The following TCN2 variants were observed in gnomAD, a reference collection of about 807,000 sequenced individuals.
TCN2 encodes the protein transcobalamin 2, also known as transcobalamin-2.
Under a neutral mutation model 48.6 loss-of-function variants are expected in TCN2, and 34 were observed. That is an observed-to-expected ratio of 0.70 (90% CI 0.53 to 0.93). TCN2 has a LOEUF of 0.93. Ranked by LOEUF, TCN2 falls within the 40% of genes least tolerant of loss-of-function variation. The pLI is 0.00. For synonymous variants in TCN2, 283 were observed against 212.5 expected (o/e 1.33, Z -2.89); for missense variants, 652 against 526.1 (o/e 1.24, Z -2.34).
At chr22:30,622,818 A>G in intron 7 of TCN2, 150 bp from the exon 8 acceptor site, 2 of 778,716 alleles carry the variant, frequency 2.6e-6, no homozygotes, top group South Asian at 1.5e-5. Flanking sequence ...AGTTGAGATC[A>G]CAGACCTGTG....
intron 1 of TCN2, chr22:30,610,421 G>A (rs934490340): frequency 1.0e-5 from 4 of 398,220 alleles, no homozygotes; most frequent in Admixed American, 3.0e-5. Context: ...GGGCTTTGCA[G>A]TTAGGTCCAT....
In TCN2 at chr22:30,617,203, T is replaced by C. The variant is rs990806345; in HGVS notation, c.941-127T>C. On this transcript the variant is annotated intron_variant, in intron 6 of 8. Transcript: ENST00000215838. ...CAGGTTTCAGCTGAGCAGGTGGCGG[T>C]GGCATTGATGGAGATGAGGACATGG... The C allele has an allele frequency of 7.8e-6, 10 of 1,279,614 alleles. No individual in the cohort carries two copies. The African/African-American group carries it at 1.5e-4, about 19-fold the overall frequency. 79.3% of individuals were successfully genotyped at this position (1,279,614 alleles called of 1,614,324 possible).
intron 4 of TCN2, 49 bp downstream of exon 4, chr22:30,614,550 C>G (rs924289816): frequency 6.2e-7 from 1 of 1,611,804 alleles, no homozygotes; most frequent in South Asian, 1.1e-5. Flanking sequence ...CCCTCAGTCC[C>G]CAGGTCTGCA....
At chr22:30,621,567 C>T (rs1156368359) in intron 7 of TCN2, among the ~76,000 whole-genome samples, 1 of 152,200 alleles carries the variant, frequency 6.6e-6, no homozygotes, top group Non-Finnish European at 1.5e-5. Flanking sequence ...ACTGCAACCT[C>T]CGCCTACTAG....
intron 1 of TCN2, among the ~76,000 whole-genome samples, chr22:30,609,584 T>G: frequency 1.1e-5 from 1 of 92,572 alleles, no homozygotes; most frequent in African/African-American, 4.7e-5. Flanking sequence ...GAAAGAGAGG[T>G]GAGGAGGGGG....
chr22:30,615,130 C>T (rs2087593171), intron 4 of TCN2, among the ~76,000 whole-genome samples, 171 bp from the exon 5 acceptor site: 1 of 152,140 alleles, frequency 6.6e-6, no homozygotes, highest in African/African-American at 2.4e-5. Flanking sequence ...CAAGGAAAGT[C>T]TTGGGCAGAC....
chr22:30,626,418 T>C (rs747953082), intron 8 of TCN2, 42 bp from the exon 9 acceptor site: 19 of 1,609,218 alleles, frequency 1.2e-5, no homozygotes, highest in Non-Finnish European at 1.6e-5. Context: ...GGGTGCGATA[T>C]TCTGCCCAAT....
intron 6 of TCN2, 110 bp downstream of exon 6, chr22:30,615,897 T>C: frequency 7.4e-7 from 1 of 1,354,288 alleles, no homozygotes; most frequent in Non-Finnish European, 1.0e-6. Flanking sequence ...AGCACAAGAT[T>C]GTGGGTGTGC....
In TCN2 at chr22:30,626,472, A is replaced by C. The variant is rs745363222; in HGVS notation, c.1235A>C (p.Tyr412Ser). 8 of 1,614,104 alleles carry C rather than the reference A, an allele frequency of 5.0e-6. No homozygotes were observed. Among genetic ancestry groups the C allele is most frequent in the Non-Finnish European group, 6.8e-6 (8 of 1,180,012 alleles). Reference protein sequence around the residue: ...NTPLLQGIADYRPKDGETIEL... With the variant: ...NTPLLQGIADSRPKDGETIEL... The stretch of plus-strand genomic sequence containing the variant: ...TCTGTTTCTGCAGGTATTGCTGACT[A>C]CAGACCCAAGGATGGAGAAACCATT... The change falls in exon 9 of 9, where the codon TAC becomes TCC. Residue 412 changes from tyrosine to serine, a missense_variant. Coordinates refer to ENST00000215838, the MANE Select transcript of TCN2 (RefSeq NM_000355.4).
chr22:30,615,918 G>A (rs1421927310), intron 6 of TCN2, 131 bp downstream of exon 6: 1 of 1,126,840 alleles, frequency 8.9e-7, no homozygotes, highest in Non-Finnish European at 1.3e-6. Flanking sequence ...ATGGGACACA[G>A]CAGCCAAAAT....
At chr22:30,625,698 A>G (rs554532199) in intron 8 of TCN2, among the ~76,000 whole-genome samples, 2 of 152,108 alleles carry the variant, frequency 1.3e-5, no homozygotes, top group Non-Finnish European at 2.9e-5. Context: ...TTCTGAACTC[A>G]AGTGATCTGC....
intron 8 of TCN2, among the ~76,000 whole-genome samples, chr22:30,625,174 C>A (rs568553943): frequency 6.6e-6 from 1 of 152,176 alleles, no homozygotes; most frequent in Admixed American, 6.5e-5. Context: ...GCTGAGATCA[C>A]GCCATTGCAT....
At chr22:30,613,273 GTTT>G (rs1226631634) in intron 3 of TCN2, among the ~76,000 whole-genome samples, 1 of 151,930 alleles carries the variant, frequency 6.6e-6, no homozygotes, top group Non-Finnish European at 1.5e-5. Context: ...GTGGTTTTTT[GTTT>G]TTTGTTTGTT....
intron 3 of TCN2, among the ~76,000 whole-genome samples, chr22:30,613,504 C>T (rs915284301): frequency 4.6e-5 from 7 of 152,184 alleles, no homozygotes; most frequent in African/African-American, 1.7e-4. Flanking sequence ...GTCTCGAACT[C>T]CTGACCTCAG....
chr22:30,623,915 CACAT>C lies in TCN2; in HGVS notation c.1222+834_1222+837del, dbSNP rs1410679484. Among the ~76,000 whole-genome samples the C allele has an allele frequency of 1.1e-4, 11 of 97,190 alleles. 3 individuals carry two copies. The highest frequency in any genetic ancestry group is 2.7e-4 in the South Asian group (1 of 3,718). 63.8% of individuals were successfully genotyped at this position (97,190 alleles called of 152,430 possible). ...ATATATATGTATACATATATATACA[CACAT>C]ATATATGTATACATATATACACACA... is the stretch of plus-strand genomic sequence containing the variant. On this transcript the variant is annotated intron_variant, in intron 8 of 8. Coordinates refer to ENST00000215838, the MANE Select transcript of TCN2 (RefSeq NM_000355.4).
chr22:30,615,520 G>T (rs1419266711), intron 5 of TCN2, 47 bp downstream of exon 5: 1 of 1,570,474 alleles, frequency 6.4e-7, no homozygotes, highest in Non-Finnish European at 8.7e-7. Context: ...GAACAGTCAG[G>T]GGTGGAGTGG....
rs375247830 is a variant in TCN2, at chr22:30,611,076, T to C, written c.257+13T>C. 1.9e-6 allele frequency: 3 copies of C among 1,613,704 alleles called. No individual in the cohort carries two copies. Among genetic ancestry groups the C allele is most frequent in the South Asian group, 1.1e-5 (1 of 91,066 alleles). On this transcript the variant is annotated intron_variant, in intron 2 of 8. Transcript: ENST00000215838. ...AGTGCCTCCTAGGGTATTGCCACACTCTCTTTTTCCATGTCTTGCTCCACA... is the reference window on the plus strand; with the variant it reads ...AGTGCCTCCTAGGGTATTGCCACACCCTCTTTTTCCATGTCTTGCTCCACA...
rs1434428309 is a variant in TCN2 at position 30,627,057 on chromosome 22, C to G, written c.*536C>G. The G allele has an allele frequency of 3.8e-5, 7 of 182,692 alleles. No homozygotes were observed. The East Asian group carries it at 9.3e-4, about 24-fold the overall frequency. 11.3% of individuals were successfully genotyped at this position (182,692 alleles called of 1,614,324 possible). A position where few individuals can be genotyped will look rare whatever the true frequency, so the allele number is the denominator to read the frequency against. On this transcript the variant is annotated 3_prime_UTR_variant, in exon 9 of 9. Coordinates refer to ENST00000215838, the MANE Select transcript of TCN2 (RefSeq NM_000355.4). ...ATTAAAGCATTGATGGCCTGTGGAC[C>G]TGCTACAGTGGCCTGGTGCCTCATA...
Position 30,621,222 on chromosome 22 carries a change from A to G in TCN2, c.1107-1746A>G, listed in dbSNP as rs189988152. On this transcript the variant is annotated intron_variant, in intron 7 of 8. Coordinates refer to ENST00000215838, the MANE Select transcript of TCN2 (RefSeq NM_000355.4). ...GAGCCAGGCTGGTGTCAAACTCCCA[A>G]CCTCAGGTGATCCACCCACCTCCGC... is the stretch of plus-strand genomic sequence containing the variant. 4.3e-3 allele frequency among the ~76,000 whole-genome samples: 661 copies of G among 152,126 alleles called. 3 individuals carry two copies. Among genetic ancestry groups the G allele is most frequent in the Non-Finnish European group, 7.6e-3 (516 of 67,994 alleles).
Sources: gnomAD v4.1 joint callset for allele counts (sites outside exome capture counted in the v4.1 genomes callset) on GRCh38, gnomAD v4.1.1 for gene constraint, MANE v1.5 for transcripts, NCBI Gene and HGNC (gene_info 2026-07-23, HGNC 2026-07-21) for gene names.